KCNH5: variants seen among roughly 807,000 people sequenced by gnomAD.
KCNH5 encodes voltage-gated delayed rectifier potassium channel KCNH5.
A neutral mutation model predicts 96.1 loss-of-function variants in KCNH5; 46 were observed. The observed-to-expected ratio is 0.48, with a 90% CI of 0.38 to 0.61. The LOEUF is 0.61. KCNH5 is among the 20% of genes least tolerant of loss of function. The probability of loss-of-function intolerance (pLI) is 0.00; values close to 1 mark genes in which losing one functional copy is unlikely to be tolerated. For synonymous variants in KCNH5, 439 were observed against 449.8 expected, an observed-to-expected ratio of 0.98 and a Z score of 0.30; for missense variants, 907 against 1,225.8, an observed-to-expected ratio of 0.74 and a Z score of 3.88.
chr14:62,964,411 A>G (rs1224884525), intron 6 of KCNH5, among the ~76,000 whole-genome samples: 1 of 152,036 alleles, frequency 6.6e-6, no homozygotes, highest in Non-Finnish European at 1.5e-5. Flanking sequence ...GTCATTATCT[A>G]TATCCTATTG....
intron 4 of KCNH5, among the ~76,000 whole-genome samples, chr14:62,999,198 T>C (rs1195390823): frequency 1.2e-4 from 19 of 152,178 alleles, no homozygotes; most frequent in Admixed American, 6.5e-5. Context: ...CCAGCACCTG[T>C]TGTTTCCTGA....
At chr14:62,827,126 T>C (rs1183077996) in intron 8 of KCNH5, among the ~76,000 whole-genome samples, 3 of 151,944 alleles carry the variant, frequency 2.0e-5, no homozygotes, top group Non-Finnish European at 4.4e-5. Context: ...ACATAAAAAG[T>C]TGTATAAAAG....
At chr14:62,782,896 T>G (rs183957719) in intron 9 of KCNH5, among the ~76,000 whole-genome samples, 52 of 152,314 alleles carry the variant, frequency 3.4e-4, no homozygotes, top group African/African-American at 1.2e-3. Context: ...TTTATACAGA[T>G]GAATTTCAGA....
chr14:62,931,389 C>A (rs2140116015), intron 7 of KCNH5, among the ~76,000 whole-genome samples: 1 of 152,168 alleles, frequency 6.6e-6, no homozygotes, highest in Non-Finnish European at 1.5e-5. Context: ...TGCAAAGAAG[C>A]AGAGAGACTC....
In KCNH5 at chr14:62,967,166, T is replaced by C. The variant is rs376626765; in HGVS notation, c.942+13706A>G. Among the ~76,000 whole-genome samples the C allele has an allele frequency of 4.1e-4, 63 of 152,256 alleles. 5 individuals are homozygous for C. The South Asian group carries it at 5.4e-3, about 13-fold the overall frequency. ...AAAGCTCCATCATTCAAGGAACCCA[T>C]AAGCTATGGTGTCCTTATCAAGTTA... On this transcript the variant is annotated intron_variant, in intron 6 of 10. Transcript: ENST00000322893.
At chr14:62,746,594 T>C (rs1038590193) in intron 10 of KCNH5, among the ~76,000 whole-genome samples, 1 of 152,236 alleles carries the variant, frequency 6.6e-6, no homozygotes, top group African/African-American at 2.4e-5. Context: ...TGAGCTCTGT[T>C]TTCGGCTGGT....
At chr14:62,885,423 T>C (rs1232497316) in intron 7 of KCNH5, among the ~76,000 whole-genome samples, 1 of 152,228 alleles carries the variant, frequency 6.6e-6, no homozygotes, top group Non-Finnish European at 1.5e-5. Context: ...AGAATAATAG[T>C]TGAAAATATT....
intron 1 of KCNH5, among the ~76,000 whole-genome samples, chr14:63,020,323 A>G (rs1422753573): frequency 6.6e-6 from 1 of 152,158 alleles, no homozygotes; most frequent in Non-Finnish European, 1.5e-5. Flanking sequence ...AAGTGAAATG[A>G]AAACATATGT....
intron 7 of KCNH5, among the ~76,000 whole-genome samples, chr14:62,944,837 A>C (rs1287362840): frequency 6.6e-6 from 1 of 152,178 alleles, no homozygotes; most frequent in Non-Finnish European, 1.5e-5. Context: ...TGGCTATAGA[A>C]ACTGGACTTA....
chr14:62,824,192 A>C (rs868769918), intron 8 of KCNH5, among the ~76,000 whole-genome samples: 3 of 152,016 alleles, frequency 2.0e-5, no homozygotes, highest in Non-Finnish European at 4.4e-5. Flanking sequence ...CTGAGCAAAA[A>C]TTTCAGCAGT....
Position 62,832,341 on chromosome 14 carries a change from A to G in KCNH5, c.1569+17312T>C, listed in dbSNP as rs369095322. Reference sequence around the variant, plus strand: ...TGTTTGACTACTTTAGATACCTCAAATAAGTGGTATCATGCGGTATTTGTC... The same window carrying G: ...TGTTTGACTACTTTAGATACCTCAAGTAAGTGGTATCATGCGGTATTTGTC... On this transcript the variant is annotated intron_variant, in intron 8 of 10. Coordinates refer to ENST00000322893, the MANE Select transcript of KCNH5 (RefSeq NM_139318.5). Among the ~76,000 whole-genome samples, 10 of 152,234 alleles carry G rather than the reference A, an allele frequency of 6.6e-5. 1 individual carries two copies. The highest frequency in any genetic ancestry group is 2.0e-4 in the Admixed American group (3 of 15,292).
At chr14:62,971,424 C>G (rs1890405603) in intron 6 of KCNH5, among the ~76,000 whole-genome samples, 2 of 152,064 alleles carry the variant, frequency 1.3e-5, no homozygotes, top group Admixed American at 6.5e-5. Flanking sequence ...GTCAAGATGT[C>G]AGTTCTTCTC....
chr14:62,721,701 C>T (rs542327677), intron 10 of KCNH5, among the ~76,000 whole-genome samples: 1 of 152,168 alleles, frequency 6.6e-6, no homozygotes, highest in African/African-American at 2.4e-5. Flanking sequence ...TATCTACATA[C>T]AAGCCACCCA....
At chr14:62,915,483 C>T (rs1422342428) in intron 7 of KCNH5, among the ~76,000 whole-genome samples, 1 of 152,096 alleles carries the variant, frequency 6.6e-6, no homozygotes, top group Non-Finnish European at 1.5e-5. Context: ...ATTAAAAATG[C>T]ACATATAATA....
At chr14:62,959,077 C>G (rs1034139811) in intron 6 of KCNH5, among the ~76,000 whole-genome samples, 1 of 152,094 alleles carries the variant, frequency 6.6e-6, no homozygotes, top group Non-Finnish European at 1.5e-5. Context: ...CTTTCTCTAA[C>G]ATCACCTCAC....
intron 7 of KCNH5, among the ~76,000 whole-genome samples, chr14:62,923,175 C>A (rs920715353): frequency 6.6e-6 from 1 of 151,744 alleles, no homozygotes; most frequent in Non-Finnish European, 1.5e-5. Context: ...TATACACTAA[C>A]AATGAATTAT....
chr14:63,027,685 A>T lies in KCNH5; in HGVS notation c.74-10731T>A, dbSNP rs893911623. On this transcript the variant is annotated intron_variant, in intron 1 of 10. Transcript: ENST00000322893. ...TTCAATTTTTACTTGTTGATTTTTT[A>T]AAAAATTTTTAAGAAAAGTATTGCA... Among the ~76,000 whole-genome samples, 79 of 151,990 alleles carry T rather than the reference A, an allele frequency of 5.2e-4. 2 individuals are homozygous for T. Among genetic ancestry groups the T allele is most frequent in the Admixed American group, 1.2e-3 (19 of 15,246 alleles).
At chr14:62,949,219 T>A (rs1889953079) in intron 7 of KCNH5, among the ~76,000 whole-genome samples, 1 of 152,216 alleles carries the variant, frequency 6.6e-6, no homozygotes, top group Non-Finnish European at 1.5e-5. Flanking sequence ...GAAGTCAAAT[T>A]GTCTCTGTTT....
chr14:62,941,113 C>T (rs1404242731), intron 7 of KCNH5, among the ~76,000 whole-genome samples: 1 of 152,034 alleles, frequency 6.6e-6, no homozygotes, highest in Non-Finnish European at 1.5e-5. Flanking sequence ...TTCTTAAATA[C>T]CAATGTATAC....
Sources: allele counts gnomAD v4.1 joint callset (sites outside exome capture counted in the v4.1 genomes callset), GRCh38; gene constraint gnomAD v4.1.1; transcripts MANE v1.5; gene names NCBI Gene and HGNC (gene_info 2026-07-23, HGNC 2026-07-21).